Variants in CHAT observed in about 807,000 individuals in gnomAD.
CHAT encodes acetyl CoA:choline O-acetyltransferase.
In CHAT, 61 loss-of-function variants were observed where a neutral mutation model predicts 76.9. The ratio of observed to expected loss-of-function variants is 0.79; its 90% CI spans 0.65 to 0.98. The LOEUF (loss-of-function observed/expected upper bound fraction) is 0.98, where lower values mean the gene tolerates loss of function less well. CHAT is among the 50% of genes least tolerant of loss of function. The pLI, the probability that CHAT is intolerant of heterozygous loss-of-function variation, is 0.00. For missense variants in CHAT, 946 were observed against 986.9 expected, an observed-to-expected ratio of 0.96 and a Z score of 0.56; for synonymous variants, 407 against 397.4, an observed-to-expected ratio of 1.02 and a Z score of -0.29.
At chr10:49,614,624 G>C in intron 1 of CHAT, 149 bp downstream of exon 1, 2 of 728,462 alleles carry the variant, frequency 2.7e-6, no homozygotes, top group Admixed American at 5.6e-5. Context: ...GCCGTCGGGG[G>C]TCAGCTAGGA....
In CHAT at chr10:49,667,291, TAC is replaced by T. The variant is rs1840359633; in HGVS notation, c.*2246_*2247del. Among the ~76,000 whole-genome samples, 1 of 152,172 alleles carries T rather than the reference TAC, an allele frequency of 6.6e-6. No homozygotes were observed. The highest frequency in any genetic ancestry group is 2.4e-5 in the African/African-American group (1 of 41,436). Reference sequence around the variant, plus strand: ...AGGGGCAGGGAGGCTTCATGGGGCCTACCTTTGGGATGACATTACCCCAGTGG... The same window carrying T: ...AGGGGCAGGGAGGCTTCATGGGGCCTCTTTGGGATGACATTACCCCAGTGG... On this transcript the variant is annotated 3_prime_UTR_variant, in exon 15 of 15. Coordinates refer to ENST00000337653, the MANE Select transcript of CHAT (RefSeq NM_020549.5).
chr10:49,651,699 C>T lies in CHAT; in HGVS notation c.1512-185C>T, dbSNP rs1365466519. ...TCATAGTAGTCCTGGCCTGGTTTGT[C>T]TTCTGACACTTTCATAGGTCAAGGC... On this transcript the variant is annotated intron_variant, in intron 10 of 14. Transcript: ENST00000337653. 1.5e-5 allele frequency: 9 copies of T among 610,940 alleles called. No individual in the cohort carries two copies. In the East Asian group the frequency reaches 2.6e-4, roughly 18 times the overall value. The allele number at this position is 610,940 out of a possible 1,614,324, so 37.8% of individuals were successfully genotyped here.
chr10:49,655,641 G>A (rs1233855359), intron 13 of CHAT, among the ~76,000 whole-genome samples, 193 bp downstream of exon 13: 1 of 152,180 alleles, frequency 6.6e-6, no homozygotes, highest in African/African-American at 2.4e-5. Flanking sequence ...TCCTGTTTTT[G>A]ACATGGATTT....
At chr10:49,616,216 T>C in intron 1 of CHAT, 2 of 1,012,738 alleles carry the variant, frequency 2.0e-6, no homozygotes, top group Non-Finnish European at 3.2e-6. Flanking sequence ...GGATTTGGAT[T>C]GCCCCAGGGT....
chr10:49,627,509 C>G, intron 6 of CHAT, 99 bp from the exon 7 acceptor site: 1 of 1,254,286 alleles, frequency 8.0e-7, no homozygotes, highest in East Asian at 2.3e-5. Context: ...AACCTTGGGC[C>G]TGAGCATCCC....
intron 1 of CHAT, chr10:49,615,749 A>G (rs1838466399): frequency 4.1e-6 from 2 of 493,570 alleles, no homozygotes; most frequent in East Asian, 3.2e-5. Flanking sequence ...TGTACCTTCA[A>G]AATTAATCTG....
rs765840442 is a variant in CHAT at position 49,662,697 on chromosome 10, C to T, written c.1892C>T (p.Ala631Val). 6.2e-7 allele frequency: 1 copy of T among 1,614,220 alleles called. No homozygotes were observed. Among genetic ancestry groups the T allele is most frequent in the Non-Finnish European group, 8.5e-7 (1 of 1,180,036 alleles). ...CACCTGCTGGCACTGCGGGAGCTGG[C>T]CCGGGCCATGTGCAAGGAGCTGCCC... Reference protein sequence around the residue: ...DNHLLALRELARAMCKELPEM... With the variant: ...DNHLLALRELVRAMCKELPEM... Residue 631 changes from alanine to valine, a missense_variant, in exon 14 of 15, where the codon GCC becomes GTC. Physicochemically the swap from Ala to Val is moderately conservative, Grantham distance 64 (BLOSUM62 0). Coordinates refer to ENST00000337653, the MANE Select transcript of CHAT (RefSeq NM_020549.5).
At chr10:49,630,353 C>T (rs919155448) in intron 7 of CHAT, among the ~76,000 whole-genome samples, 1 of 146,454 alleles carries the variant, frequency 6.8e-6, no homozygotes, top group African/African-American at 2.5e-5. Flanking sequence ...ACAGAGGGAA[C>T]GGCCAGCCAC....
chr10:49,611,008 G>A, upstream of CHAT: 3 of 1,613,654 alleles, frequency 1.9e-6, no homozygotes, highest in Non-Finnish European at 2.5e-6. Context: ...TCCGGCCAAT[G>A]CCAGCGCCTA....
rs375527044 is a variant in CHAT at position 49,631,827 on chromosome 10, G to A, written c.1111+4042G>A. ...TGGGAGAGGAGGATGGAGACTGGGC[G>A]TCCACATGGATGCACATACTACCAT... is the stretch of plus-strand genomic sequence containing the variant. On this transcript the variant is annotated intron_variant, in intron 7 of 14. Transcript: ENST00000337653. Among the ~76,000 whole-genome samples the A allele has an allele frequency of 9.2e-5, 14 of 152,224 alleles. No individual in the cohort carries two copies. The East Asian group carries it at 1.4e-3, about 15-fold the overall frequency.
intron 11 of CHAT, among the ~76,000 whole-genome samples, chr10:49,653,428 C>G (rs201276641): frequency 1.5e-5 from 1 of 66,580 alleles, no homozygotes; most frequent in Non-Finnish European, 4.8e-5. Context: ...TGCCCTCCAA[C>G]CTGCTTTCAG....
intron 1 of CHAT, chr10:49,616,236 G>T: frequency 1.2e-6 from 1 of 868,050 alleles, no homozygotes. Flanking sequence ...TGGTCAGCTG[G>T]CCTTGGGTGA....
At chr10:49,610,939 G>A, upstream of CHAT, 4 of 1,610,582 alleles carry the variant, frequency 2.5e-6, no homozygotes, top group Non-Finnish European at 3.4e-6. Flanking sequence ...CATGCGCGGG[G>A]GCGGCGAGGG....
At chr10:49,626,459 T>C (rs905617938) in intron 6 of CHAT, among the ~76,000 whole-genome samples, 1 of 152,246 alleles carries the variant, frequency 6.6e-6, no homozygotes, top group Non-Finnish European at 1.5e-5. Context: ...TACAATGTGA[T>C]CCTGGGCTCT....
At chr10:49,616,133 T>C in intron 1 of CHAT, 1 of 1,540,468 alleles carries the variant, frequency 6.5e-7, no homozygotes, top group Non-Finnish European at 9.0e-7. Context: ...AAAGAGAGAG[T>C]TTGATTGGCA....
chr10:49,646,416 A>G, intron 7 of CHAT, 89 bp from the exon 8 acceptor site: 1 of 1,508,604 alleles, frequency 6.6e-7, no homozygotes, highest in Non-Finnish European at 9.2e-7. Flanking sequence ...CCCAGAAGAC[A>G]GGGCTGCCCT....
chr10:49,615,902 CAG>C lies in CHAT; in HGVS notation c.287-597_287-596del, dbSNP rs916981059. On this transcript the variant is annotated intron_variant, in intron 1 of 14. Coordinates refer to ENST00000337653, the MANE Select transcript of CHAT (RefSeq NM_020549.5). ...TAGGTCACAACGCCTCCAGCAGGCC[CAG>C]AGTCTCCCTGCCCTGGCCACAGGCC... 243 of 780,076 alleles carry C rather than the reference CAG, an allele frequency of 3.1e-4. 2 individuals are homozygous for C. In the Middle Eastern group the frequency reaches 3.9e-3, roughly 12 times the overall value. The allele number at this position is 780,076 out of a possible 1,614,324, so 48.3% of individuals were successfully genotyped here.
In CHAT at chr10:49,646,544, G is replaced by C; in HGVS notation, c.1151G>C (p.Cys384Ser). 1 of 1,614,242 alleles carries C rather than the reference G, an allele frequency of 6.2e-7. No individual in the cohort carries two copies. Among genetic ancestry groups the C allele is most frequent in the Non-Finnish European group, 8.5e-7 (1 of 1,180,028 alleles). Residue 384 changes from cysteine (C) to serine (S), a missense_variant, in exon 8 of 15, where the codon TGC becomes TCC. This residue lies in a region of CHAT where 548 missense variants were observed against 516.2 expected (regional missense o/e 1.06). Coordinates refer to ENST00000337653, the MANE Select transcript of CHAT (RefSeq NM_020549.5). Reference protein sequence around the residue: ...NRDSLDMIERCICLVCLDAPG... With the variant: ...NRDSLDMIERSICLVCLDAPG... ...GACTCGCTGGACATGATTGAGCGCTGCATCTGCCTTGTATGCCTGGACGCG... is the reference window on the plus strand; with the variant it reads ...GACTCGCTGGACATGATTGAGCGCTCCATCTGCCTTGTATGCCTGGACGCG...
chr10:49,616,404 T>A (rs957131813), intron 1 of CHAT, 98 bp from the exon 2 acceptor site: 35 of 951,406 alleles, frequency 3.7e-5, no homozygotes, highest in Non-Finnish European at 5.7e-5. Flanking sequence ...TCTGGCCTCC[T>A]CATGGGGCTG....
Sources: gnomAD v4.1 joint callset for allele counts (sites outside exome capture counted in the v4.1 genomes callset) on GRCh38, gnomAD v4.1.1 for gene constraint, gnomAD v4.1.1 regional missense constraint, MANE v1.5 for transcripts, NCBI Gene and HGNC (gene_info 2026-07-23, HGNC 2026-07-21) for gene names.